GYS1: variants seen among roughly 807,000 people sequenced by gnomAD.
GYS1 encodes glycogen synthase 1, also known as glycogen [starch] synthase, muscle.
GYS1 carries 60 observed loss-of-function variants against 89.1 expected under a neutral mutation model. The observed-to-expected ratio is 0.67, with a 90% CI of 0.55 to 0.84. GYS1 has a LOEUF of 0.84. GYS1 is among the 40% of genes least tolerant of loss of function. The pLI is 0.00. For synonymous variants in GYS1, 366 were observed against 401.7 expected (o/e 0.91, Z 1.06); for missense variants, 888 against 1,003.1 (o/e 0.89, Z 1.55).
chr19:48,978,659 G>A (rs1475740018), intron 8 of GYS1, among the ~76,000 whole-genome samples: 1 of 151,826 alleles, frequency 6.6e-6, no homozygotes, highest in Non-Finnish European at 1.5e-5. Context: ...AGCCTCCTGA[G>A]TAGCCGGGAT....
At chr19:48,969,718 C>T in intron 15 of GYS1, 57 bp downstream of exon 15, 1 of 1,583,386 alleles carries the variant, frequency 6.3e-7, no homozygotes, top group Non-Finnish European at 8.7e-7. Flanking sequence ...GGACCCCCAC[C>T]CCACCGAAGC....
At chr19:48,974,461 C>A in intron 11 of GYS1, 122 bp from the exon 12 acceptor site, 1 of 1,226,930 alleles carries the variant, frequency 8.2e-7, no homozygotes, top group Non-Finnish European at 1.2e-6. Context: ...TTGGCAGGAC[C>A]AATGTTCAAA....
At chr19:48,985,813 T>C in intron 4 of GYS1, 37 bp downstream of exon 4, 1 of 1,607,548 alleles carries the variant, frequency 6.2e-7, no homozygotes, top group South Asian at 1.1e-5. Context: ...TTTCCTGGCA[T>C]ACTCGCAGTC....
chr19:48,983,564 TC>T (rs1390885568), intron 5 of GYS1, among the ~76,000 whole-genome samples: 2 of 152,148 alleles, frequency 1.3e-5, no homozygotes, highest in African/African-American at 4.8e-5. Context: ...TCATTTCTTC[TC>T]CTCATAGAAA....
intron 10 of GYS1, among the ~76,000 whole-genome samples, chr19:48,976,434 CAA>C (rs1021584691): frequency 1.3e-5 from 2 of 152,032 alleles, no homozygotes; most frequent in African/African-American, 4.8e-5. Context: ...CCCCTAGACT[CAA>C]TAGAATGACG....
Position 48,981,571 on chromosome 19 carries a change from G to A in GYS1, c.1128C>T (p.Asn376=), listed in dbSNP as rs763282805. 18 of 1,613,416 alleles carry A rather than the reference G, an allele frequency of 1.1e-5. No homozygotes were observed. The highest frequency in any genetic ancestry group is 6.7e-5 in the East Asian group (3 of 44,874). Residue 376 remains asparagine, a synonymous_variant, in exon 8 of 16, where the codon AAC becomes AAT. Transcript: ENST00000323798. ...CAGCTTGGCCTTTGAGGGTTTCCAC[G>A]TTGAAATTGTTGGTCCGCGCTGGCA... The part of the protein sequence containing the change: ...FIMPARTNNF[N]VETLKGQAVR...
intron 4 of GYS1, 110 bp from the exon 5 acceptor site, chr19:48,985,715 C>A: frequency 6.6e-7 from 1 of 1,509,822 alleles, no homozygotes; most frequent in South Asian, 1.1e-5. Flanking sequence ...ATTCCTGGGT[C>A]TGAGGTAGGA....
At chr19:48,987,700 G>C (rs367917261) in intron 2 of GYS1, among the ~76,000 whole-genome samples, 2 of 151,934 alleles carry the variant, frequency 1.3e-5, no homozygotes, top group South Asian at 4.2e-4. Flanking sequence ...GCAGTGGTGC[G>C]ATCTCAGCTC....
rs1444275077 is a variant in GYS1, at chr19:48,969,257, C to G, written c.*31G>C. On this transcript the variant is annotated 3_prime_UTR_variant, in exon 16 of 16. Transcript: ENST00000323798. ...GCATCCTCTCTCTGGAGCAGAGAGG[C>G]AGGACAGGCGGGGAGTGTGGTGGGG... 2 of 1,521,078 alleles carry G rather than the reference C, an allele frequency of 1.3e-6. No individual in the cohort carries two copies. The highest frequency in any genetic ancestry group is 3.9e-5 in the Admixed American group (2 of 51,234). The allele number at this position is 1,521,078 out of a possible 1,614,324, so 94.2% of individuals were successfully genotyped here.
At chr19:48,990,954 C>G (rs917931248) in intron 2 of GYS1, among the ~76,000 whole-genome samples, 1 of 152,210 alleles carries the variant, frequency 6.6e-6, no homozygotes, top group Non-Finnish European at 1.5e-5. Context: ...GCCACCACAC[C>G]CAGCTAATTT....
At chr19:48,972,466 C>T (rs2038581025) in intron 12 of GYS1, among the ~76,000 whole-genome samples, 1 of 151,548 alleles carries the variant, frequency 6.6e-6, no homozygotes, top group Non-Finnish European at 1.5e-5. Flanking sequence ...GAGCCACTGC[C>T]CCTGACCTAT....
rs1338354865 is a variant in GYS1 at position 48,974,852 on chromosome 19, C to A, written c.1309-119G>T. On this transcript the variant is annotated intron_variant, in intron 10 of 15. Transcript: ENST00000323798. Reference sequence around the variant, plus strand: ...GACCACAAATGCACCGGACGTGGGGCAACAAACCCAAGTGATCACCAGGAG... The same window carrying A: ...GACCACAAATGCACCGGACGTGGGGAAACAAACCCAAGTGATCACCAGGAG... The A allele has an allele frequency of 4.5e-6, 3 of 674,050 alleles. No homozygotes were observed. The Admixed American group carries it at 6.6e-5, about 15-fold the overall frequency. 41.8% of individuals were successfully genotyped at this position (674,050 alleles called of 1,614,324 possible).
rs373333104 is a variant in GYS1, at chr19:48,972,470, G to A, written c.1550-1447C>T. ...ATTATAGGTGTGAGCCACTGCCCCT[G>A]ACCTATAATTATTATTATTATTATT... On this transcript the variant is annotated intron_variant, in intron 12 of 15. Transcript: ENST00000323798. 5.3e-5 allele frequency among the ~76,000 whole-genome samples: 8 copies of A among 151,924 alleles called. No individual in the cohort carries two copies. In the East Asian group the frequency reaches 1.2e-3, roughly 22 times the overall value.
rs1479797470 is a variant in GYS1 at position 48,969,394 on chromosome 19, G to A, written c.2108C>T (p.Thr703Ile). The A allele has an allele frequency of 6.4e-7, 1 of 1,564,642 alleles. No individual in the cohort carries two copies. Among genetic ancestry groups the A allele is most frequent in the Non-Finnish European group, 8.6e-7 (1 of 1,159,314 alleles). The stretch of plus-strand genomic sequence containing the variant: ...CACAGAGTTGCGCTTGCTGCCGCTG[G>A]TGGAGGAGGTGCAGGACGCTCGGCG... The part of the protein sequence containing the change: ...WPRRASCTSS[T>I]SGSKRNSVDT... The change falls in exon 16 of 16, where the codon ACC (threonine) becomes ATC (isoleucine). Residue 703 changes from threonine to isoleucine, a missense_variant. Coordinates refer to ENST00000323798, the MANE Select transcript of GYS1 (RefSeq NM_002103.5).
At chr19:48,981,391 C>A in intron 8 of GYS1, 139 bp downstream of exon 8, 1 of 683,748 alleles carries the variant, frequency 1.5e-6, no homozygotes, top group Non-Finnish European at 2.7e-6. Flanking sequence ...CCAGCCTGGG[C>A]GACAGAGTGA....
chr19:48,986,816 G>A (rs553628699), intron 3 of GYS1, among the ~76,000 whole-genome samples: 13 of 152,236 alleles, frequency 8.5e-5, no homozygotes, highest in South Asian at 4.1e-4. Flanking sequence ...AGCTTCTTGA[G>A]CCTCTTAAAA....
In GYS1 at chr19:48,969,419, G is replaced by A. The variant is rs1317731883; in HGVS notation, c.2083C>T (p.Arg695Cys). Reference protein sequence around the residue: ...RRNIRAPEWPRRASCTSSTSG... With the variant: ...RRNIRAPEWPCRASCTSSTSG... ...GTGGAGGAGGTGCAGGACGCTCGGC[G>A]CGGCCACTCTGGTGCACGGATGTTG... is the stretch of plus-strand genomic sequence containing the variant. The change falls in exon 16 of 16, where the codon CGC becomes TGC. Residue 695 changes from arginine to cysteine, a missense_variant. Transcript: ENST00000323798. 1.3e-6 allele frequency: 2 copies of A among 1,548,132 alleles called. No individual in the cohort carries two copies. The highest frequency in any genetic ancestry group is 1.7e-6 in the Non-Finnish European group (2 of 1,149,552).
rs1382814573 is a variant in GYS1 at position 48,968,467 on chromosome 19, G to T, written c.*821C>A. On this transcript the variant is annotated 3_prime_UTR_variant, in exon 16 of 16. Transcript: ENST00000323798. ...GCAGTTGGGAATAAGCCAGGTTAGG[G>T]GTGGGGGAAGACAGCCAGCTCTGTC... is the stretch of plus-strand genomic sequence containing the variant. 1 of 454,586 alleles carries T rather than the reference G, an allele frequency of 2.2e-6. No individual in the cohort carries two copies. The highest frequency in any genetic ancestry group is 2.0e-5 in the African/African-American group (1 of 50,136). The allele number at this position is 454,586 out of a possible 1,614,324, so 28.2% of individuals were successfully genotyped here.
rs183533293 is a variant in GYS1 at position 48,978,954 on chromosome 19, G to A, written c.1170-797C>T. Among the ~76,000 whole-genome samples, 104 of 152,288 alleles carry A rather than the reference G, an allele frequency of 6.8e-4. 1 individual carries two copies. Among genetic ancestry groups the A allele is most frequent in the African/African-American group, 2.5e-3 (102 of 41,562 alleles). On this transcript the variant is annotated intron_variant, in intron 8 of 15. Transcript: ENST00000323798. ...AGGCCCTGGAAGGCTTAGGACCCACGTGCCTGACATCAGCTGTGTGGTCAG... is the reference window on the plus strand; with the variant it reads ...AGGCCCTGGAAGGCTTAGGACCCACATGCCTGACATCAGCTGTGTGGTCAG...
Sources: gnomAD v4.1 joint callset for allele counts (sites outside exome capture counted in the v4.1 genomes callset) on GRCh38, gnomAD v4.1.1 for gene constraint, MANE v1.5 for transcripts, NCBI Gene and HGNC (gene_info 2026-07-23, HGNC 2026-07-21) for gene names.